Variants in UNC13C observed in about 807,000 individuals in gnomAD.
UNC13C encodes the protein protein unc-13 homolog C.
UNC13C carries 174 observed loss-of-function variants against 245.4 expected under a neutral mutation model. The ratio of observed to expected loss-of-function variants is 0.71; its 90% CI spans 0.63 to 0.80. The LOEUF (loss-of-function observed/expected upper bound fraction) is 0.80, where lower values mean the gene tolerates loss of function less well. Among genes scored for constraint, UNC13C ranks in the 30% least tolerant of loss-of-function variants. UNC13C has a pLI of 0.00. For synonymous variants in UNC13C, 992 were observed against 895.1 expected (o/e 1.11, Z -1.93); for missense variants, 2,829 against 2,602.9 (o/e 1.09, Z -1.89).
intron 23 of UNC13C, among the ~76,000 whole-genome samples, chr15:54,507,536 C>T (rs796877301): frequency 1.1e-4 from 16 of 152,188 alleles, no homozygotes; most frequent in African/African-American, 3.6e-4. Flanking sequence ...CAACTAGTTT[C>T]ATTTTGGCAT....
At chr15:54,269,924 A>G (rs1368097682) in intron 10 of UNC13C, among the ~76,000 whole-genome samples, 4 of 152,228 alleles carry the variant, frequency 2.6e-5, no homozygotes, top group Non-Finnish European at 5.9e-5. Context: ...ATATAAGTAC[A>G]TAATATTTCA....
chr15:54,032,432 A>G (rs1360790557), intron 2 of UNC13C, among the ~76,000 whole-genome samples: 3 of 152,186 alleles, frequency 2.0e-5, no homozygotes, highest in Non-Finnish European at 2.9e-5. Context: ...CATTGCGTTG[A>G]TGAGTGATTG....
At chr15:54,150,774 C>G (rs368313609) in intron 4 of UNC13C, among the ~76,000 whole-genome samples, 1 of 151,962 alleles carries the variant, frequency 6.6e-6, no homozygotes, top group South Asian at 2.1e-4. Flanking sequence ...ACCCCAGACC[C>G]ATTTAGTGGG....
the UNC13C span, among the ~76,000 whole-genome samples, chr15:53,889,030 C>T: frequency 8.5e-5 from 13 of 152,164 alleles, no homozygotes; most frequent in Non-Finnish European, 1.8e-4. Context: ...CTTGGCTCTG[C>T]GGGCTCTTTT....
At chr15:53,963,622 G>GA in the UNC13C span, among the ~76,000 whole-genome samples, 2 of 152,202 alleles carry the variant, frequency 1.3e-5, no homozygotes, top group East Asian at 3.8e-4. Flanking sequence ...CTGGGAAACA[G>GA]TAGACACTGA....
intron 4 of UNC13C, among the ~76,000 whole-genome samples, chr15:54,180,412 C>A (rs1459537984): frequency 2.6e-5 from 4 of 152,048 alleles, no homozygotes; most frequent in Non-Finnish European, 5.9e-5. Flanking sequence ...CGTGGATGGG[C>A]ACCTAGGCTG....
intron 19 of UNC13C, among the ~76,000 whole-genome samples, chr15:54,451,384 G>A (rs1194602770): frequency 1.3e-5 from 2 of 151,180 alleles, no homozygotes; most frequent in South Asian, 2.1e-4. Flanking sequence ...TTTATTTTTT[G>A]TTCTCCTTCT....
chr15:54,012,204 T>A (rs988699384), intron 1 of UNC13C, among the ~76,000 whole-genome samples: 2 of 152,164 alleles, frequency 1.3e-5, no homozygotes, highest in African/African-American at 4.8e-5. Flanking sequence ...GTTATATATA[T>A]ATAGATAATA....
chr15:54,277,424 A>G (rs1454852760), intron 10 of UNC13C, among the ~76,000 whole-genome samples: 1 of 152,164 alleles, frequency 6.6e-6, no homozygotes, highest in Non-Finnish European at 1.5e-5. Context: ...CTGTCCTTAC[A>G]GAACAATGTA....
intron 4 of UNC13C, among the ~76,000 whole-genome samples, chr15:54,180,705 G>A (rs1163414741): frequency 6.6e-6 from 1 of 151,920 alleles, no homozygotes; most frequent in Non-Finnish European, 1.5e-5. Context: ...GTGTGAAATG[G>A]TATCTCATTG....
rs576211827 is a variant in UNC13C at position 54,233,600 on chromosome 15, C to G, written c.3072-1430C>G. Among the ~76,000 whole-genome samples the G allele has an allele frequency of 1.5e-3, 227 of 152,148 alleles. 1 individual carries two copies. The highest frequency in any genetic ancestry group is 5.3e-3 in the African/African-American group (218 of 41,482). ...ATGAATTTTATGACACATTTAGTTA[C>G]TTGTTAGTAGTACCATGTTAGTAGT... On this transcript the variant is annotated intron_variant, in intron 4 of 32. Transcript: ENST00000260323.
In UNC13C at chr15:53,992,752, A is replaced by C. The variant is rs28439702; in HGVS notation, c.-257+13825A>C. Among the ~76,000 whole-genome samples the C allele has an allele frequency of 9.9e-3, 1,512 of 152,198 alleles. 27 individuals are homozygous for C. Among genetic ancestry groups the C allele is most frequent in the African/African-American group, 0.035 (1,464 of 41,532 alleles). ...AATCTGTGGCAAGAGGGAAGAATCT[A>C]TATGGTGACATTGGAGGTCTGTTGT... On this transcript the variant is annotated intron_variant, in intron 1 of 32. Coordinates refer to ENST00000260323, the MANE Select transcript of UNC13C (RefSeq NM_001080534.3).
chr15:54,589,792 T>A (rs149436820), intron 30 of UNC13C, among the ~76,000 whole-genome samples: 4,616 of 152,240 alleles, frequency 0.03, 87 homozygotes, highest in Non-Finnish European at 0.047. Flanking sequence ...ATGCAGAAGC[T>A]CTTTATTTTA....
intron 2 of UNC13C, among the ~76,000 whole-genome samples, chr15:54,082,003 T>C (rs1898968616): frequency 6.6e-6 from 1 of 152,230 alleles, no homozygotes; most frequent in Non-Finnish European, 1.5e-5. Context: ...CCTTAGCATT[T>C]GCTTGCCTGG....
At chr15:54,369,612 C>G (rs992131855) in intron 17 of UNC13C, among the ~76,000 whole-genome samples, 1 of 152,058 alleles carries the variant, frequency 6.6e-6, no homozygotes, top group Non-Finnish European at 1.5e-5. Flanking sequence ...CATAGCCTAA[C>G]TTTAGTTATT....
intron 30 of UNC13C, among the ~76,000 whole-genome samples, chr15:54,588,089 A>G (rs1025587628): frequency 1.3e-5 from 2 of 152,104 alleles, no homozygotes; most frequent in Non-Finnish European, 1.5e-5. Context: ...GATGATAGAG[A>G]ATGGGTAGGA....
downstream of UNC13C, chr15:54,628,848 T>C (rs554619741): frequency 1.3e-5 from 2 of 152,146 alleles, no homozygotes; most frequent in Admixed American, 6.6e-5. Context: ...TGTAAATTAC[T>C]TCAATTATTG....
At chr15:54,270,963 T>G (rs548156189) in intron 10 of UNC13C, among the ~76,000 whole-genome samples, 24 of 152,268 alleles carry the variant, frequency 1.6e-4, no homozygotes, top group African/African-American at 5.3e-4. Flanking sequence ...GAAAAGGTAG[T>G]TGAAATAATT....
At chr15:54,450,495 T>A (rs1891111705) in intron 19 of UNC13C, among the ~76,000 whole-genome samples, 1 of 152,242 alleles carries the variant, frequency 6.6e-6, no homozygotes. Flanking sequence ...CCAGCCTCGC[T>A]GCTGCCTTGC....
Sources: allele counts gnomAD v4.1 joint callset (sites outside exome capture counted in the v4.1 genomes callset), GRCh38; gene constraint gnomAD v4.1.1; transcripts MANE v1.5; gene names NCBI Gene and HGNC (gene_info 2026-07-23, HGNC 2026-07-21).